The following TMEFF1 variants were observed in gnomAD, a reference collection of about 807,000 sequenced individuals.
TMEFF1 encodes tomoregulin-1.
TMEFF1 carries 20 observed loss-of-function variants against 47.5 expected under a neutral mutation model. That is an observed-to-expected ratio of 0.42 (90% CI 0.30 to 0.61). The LOEUF (loss-of-function observed/expected upper bound fraction) is 0.61, where lower values mean the gene tolerates loss of function less well. Among genes scored for constraint, TMEFF1 ranks in the 20% least tolerant of loss-of-function variants. TMEFF1 has a pLI of 0.19. For missense variants in TMEFF1, 411 were observed against 471.1 expected, an observed-to-expected ratio of 0.87 and a Z score of 1.18; for synonymous variants, 162 against 166.3, an observed-to-expected ratio of 0.97 and a Z score of 0.20.
At chr9:100,565,860 T>C (rs1839116662) in intron 8 of TMEFF1, among the ~76,000 whole-genome samples, 1 of 152,214 alleles carries the variant, frequency 6.6e-6, no homozygotes, top group African/African-American at 2.4e-5. Context: ...TACTGTCCTG[T>C]TTGTTTCCTT....
At chr9:100,572,004 C>G (rs1839248078) in intron 8 of TMEFF1, among the ~76,000 whole-genome samples, 3 of 152,030 alleles carry the variant, frequency 2.0e-5, no homozygotes, top group Admixed American at 2.0e-4. Context: ...GCTGTAAATA[C>G]AAAGAAGCTT....
At chr9:100,534,966 G>T (rs564499670) in intron 5 of TMEFF1, among the ~76,000 whole-genome samples, 1 of 152,194 alleles carries the variant, frequency 6.6e-6, no homozygotes, top group South Asian at 2.1e-4. Flanking sequence ...GGGCTAGATG[G>T]TAAATATATC....
chr9:100,527,907 C>T (rs1437835558), intron 5 of TMEFF1, among the ~76,000 whole-genome samples: 1 of 152,236 alleles, frequency 6.6e-6, no homozygotes, highest in East Asian at 1.9e-4. Context: ...AACAGGCAGA[C>T]TGCCTCCTCA....
At chr9:100,500,862 GT>G (rs1398191607) in intron 2 of TMEFF1, among the ~76,000 whole-genome samples, 1 of 152,144 alleles carries the variant, frequency 6.6e-6, no homozygotes, top group Non-Finnish European at 1.5e-5. Context: ...TTTTGAAACC[GT>G]TGGCTGAATT....
chr9:100,545,330 C>T (rs1445219997), intron 5 of TMEFF1, among the ~76,000 whole-genome samples: 2 of 152,228 alleles, frequency 1.3e-5, no homozygotes, highest in Non-Finnish European at 1.5e-5. Context: ...TTCTTGACTT[C>T]TCTGTACCTG....
At chr9:100,550,486 C>T (rs1838812383) in intron 7 of TMEFF1, among the ~76,000 whole-genome samples, 1 of 152,202 alleles carries the variant, frequency 6.6e-6, no homozygotes, top group African/African-American at 2.4e-5. Flanking sequence ...CTCCTGTTAA[C>T]ACTTGCCCGA....
intron 8 of TMEFF1, among the ~76,000 whole-genome samples, chr9:100,562,207 G>C (rs2118549848): frequency 6.6e-6 from 1 of 152,158 alleles, no homozygotes; most frequent in South Asian, 2.1e-4. Flanking sequence ...AGGGGACATT[G>C]CTGTCATTTT....
intron 5 of TMEFF1, among the ~76,000 whole-genome samples, chr9:100,527,546 G>A (rs1302259899): frequency 6.6e-6 from 1 of 152,146 alleles, no homozygotes; most frequent in East Asian, 1.9e-4. Flanking sequence ...CTTAAAAAAC[G>A]GCACACCACG....
At chr9:100,474,380 G>A (rs1274877773) in intron 1 of TMEFF1, among the ~76,000 whole-genome samples, 1 of 151,936 alleles carries the variant, frequency 6.6e-6, no homozygotes, top group African/African-American at 2.4e-5. Context: ...GGGATCTGGG[G>A]GCTTAGAGTG....
chr9:100,539,227 G>A (rs1011898559), intron 5 of TMEFF1, among the ~76,000 whole-genome samples: 1 of 152,132 alleles, frequency 6.6e-6, no homozygotes, highest in African/African-American at 2.4e-5. Flanking sequence ...GATTTTCAAC[G>A]GCCTTGCCTT....
At chr9:100,571,923 A>T (rs568440310) in intron 8 of TMEFF1, among the ~76,000 whole-genome samples, 2 of 152,232 alleles carry the variant, frequency 1.3e-5, no homozygotes, top group South Asian at 4.1e-4. Context: ...TTGCGCTCCT[A>T]TGAGAATCTA....
Position 100,486,173 on chromosome 9 carries a change from T to C in TMEFF1, c.196+12433T>C, listed in dbSNP as rs1587815086. Among the ~76,000 whole-genome samples the C allele has an allele frequency of 4.6e-5, 7 of 152,302 alleles. No homozygotes were observed. In the South Asian group the frequency reaches 1.0e-3, roughly 23 times the overall value. Reference sequence around the variant, plus strand: ...AAAATTTGAGGAATATGGAAAAATATGAAGAGGAAATCTGGGATAATTGCC... The same window carrying C: ...AAAATTTGAGGAATATGGAAAAATACGAAGAGGAAATCTGGGATAATTGCC... On this transcript the variant is annotated intron_variant, in intron 1 of 9. Coordinates refer to ENST00000374879, the MANE Select transcript of TMEFF1 (RefSeq NM_003692.5).
At chr9:100,518,898 G>A (rs1408495993) in intron 5 of TMEFF1, among the ~76,000 whole-genome samples, 2 of 152,068 alleles carry the variant, frequency 1.3e-5, no homozygotes, top group East Asian at 1.9e-4. Context: ...CAGCTGGGCC[G>A]TTTAGGTCTG....
chr9:100,503,304 G>A (rs1837801314), intron 2 of TMEFF1, among the ~76,000 whole-genome samples: 1 of 151,332 alleles, frequency 6.6e-6, no homozygotes, highest in African/African-American at 2.4e-5. Flanking sequence ...TATAAACAAA[G>A]CCACTTTTGC....
At chr9:100,518,370 A>T in intron 5 of TMEFF1, 1 of 932,774 alleles carries the variant, frequency 1.1e-6, no homozygotes, top group Non-Finnish European at 1.3e-6. Flanking sequence ...TACTAAATTA[A>T]TTTTTTGTGT....
chr9:100,571,065 A>G (rs1244920846), intron 8 of TMEFF1, among the ~76,000 whole-genome samples: 1 of 152,166 alleles, frequency 6.6e-6, no homozygotes, highest in Non-Finnish European at 1.5e-5. Flanking sequence ...ATTAGCACCT[A>G]CAGCTTACCT....
At chr9:100,511,833 G>A (rs1222428521) in intron 3 of TMEFF1, among the ~76,000 whole-genome samples, 3 of 152,218 alleles carry the variant, frequency 2.0e-5, no homozygotes, top group East Asian at 1.9e-4. Context: ...AGGGTGGGAC[G>A]GAATCGTGTA....
chr9:100,539,162 T>C (rs1046619514), intron 5 of TMEFF1, among the ~76,000 whole-genome samples: 17 of 152,324 alleles, frequency 1.1e-4, no homozygotes, highest in Admixed American at 5.2e-4. Flanking sequence ...TGCCTCATCC[T>C]CCCAAAGTGC....
intron 8 of TMEFF1, among the ~76,000 whole-genome samples, chr9:100,565,241 C>T (rs960018967): frequency 1.3e-5 from 2 of 152,116 alleles, no homozygotes; most frequent in African/African-American, 4.8e-5. Flanking sequence ...ATCCCACTAG[C>T]CCTCCCATTT....
Sources: allele counts gnomAD v4.1 joint callset (sites outside exome capture counted in the v4.1 genomes callset), GRCh38; gene constraint gnomAD v4.1.1; transcripts MANE v1.5; gene names NCBI Gene and HGNC (gene_info 2026-07-23, HGNC 2026-07-21).